PLEKHA5: variants seen among roughly 807,000 people sequenced by gnomAD.
The protein encoded by PLEKHA5 is pleckstrin homology domain-containing family A member 5.
Under a neutral mutation model 181.9 loss-of-function variants are expected in PLEKHA5, and 55 were observed. The ratio of observed to expected loss-of-function variants is 0.30; its 90% CI spans 0.24 to 0.38. The LOEUF is 0.38. PLEKHA5 is among the 10% of genes least tolerant of loss of function. The probability of loss-of-function intolerance (pLI) is 1.00; values close to 1 mark genes in which losing one functional copy is unlikely to be tolerated. For synonymous variants in PLEKHA5, 535 were observed against 529.4 expected (o/e 1.01, Z -0.15); for missense variants, 1,432 against 1,549.5 (o/e 0.92, Z 1.27).
chr12:19,140,000 T>G (rs2036802571), intron 3 of PLEKHA5, among the ~76,000 whole-genome samples: 2 of 152,210 alleles, frequency 1.3e-5, no homozygotes, highest in African/African-American at 4.8e-5. Flanking sequence ...CCAACTGATT[T>G]TAATGATTAT....
chr12:19,339,176 G>A (rs1377743723), intron 21 of PLEKHA5, among the ~76,000 whole-genome samples: 1 of 151,716 alleles, frequency 6.6e-6, no homozygotes, highest in East Asian at 2.0e-4. Context: ...TAGTAGCTGG[G>A]ATTACAGGCA....
At chr12:19,288,695 G>C (rs955146390) in intron 13 of PLEKHA5, among the ~76,000 whole-genome samples, 1 of 152,166 alleles carries the variant, frequency 6.6e-6, no homozygotes. Flanking sequence ...AAGATTATTT[G>C]ATTAAGACTA....
At chr12:19,144,446 T>C (rs185643442) in intron 3 of PLEKHA5, among the ~76,000 whole-genome samples, 4 of 152,188 alleles carry the variant, frequency 2.6e-5, no homozygotes, top group Admixed American at 2.6e-4. Context: ...CTAAGAGGAA[T>C]TATCCTAGGA....
chr12:19,369,034 G>T (rs569383252), intron 30 of PLEKHA5, among the ~76,000 whole-genome samples: 6 of 151,484 alleles, frequency 4.0e-5, no homozygotes, highest in South Asian at 2.1e-4. Context: ...TTTGTTTTTT[G>T]TTGTTGTTGT....
intron 3 of PLEKHA5, among the ~76,000 whole-genome samples, chr12:19,138,635 C>T (rs1443797398): frequency 6.6e-6 from 1 of 151,244 alleles, no homozygotes; most frequent in Admixed American, 6.6e-5. Context: ...GAAGAGGCAG[C>T]CTAGGCTGGG....
In PLEKHA5 at chr12:19,286,698, G is replaced by A. The variant is rs111551794; in HGVS notation, c.1780-775G>A. Among the ~76,000 whole-genome samples the A allele has an allele frequency of 7.1e-3, 1,075 of 152,220 alleles. 16 individuals are homozygous for A. Among genetic ancestry groups the A allele is most frequent in the African/African-American group, 0.025 (1,038 of 41,540 alleles). On this transcript the variant is annotated intron_variant, in intron 12 of 31. Coordinates refer to ENST00000429027, the MANE Select transcript of PLEKHA5 (RefSeq NM_001256470.2). Reference sequence around the variant, plus strand: ...TTACTCTGTTCAGGCCGGGCAAGTGGCTCAAGCCTGTAATCCTAGCACTTT... The same window carrying A: ...TTACTCTGTTCAGGCCGGGCAAGTGACTCAAGCCTGTAATCCTAGCACTTT...
rs545519639 is a variant in PLEKHA5 at position 19,239,048 on chromosome 12, G to C, written c.228-14892G>C. Among the ~76,000 whole-genome samples, 12 of 152,244 alleles carry C rather than the reference G, an allele frequency of 7.9e-5. 1 individual carries two copies. Among genetic ancestry groups the C allele is most frequent in the African/African-American group, 2.6e-4 (11 of 41,550 alleles). On this transcript the variant is annotated intron_variant, in intron 3 of 31. Coordinates refer to ENST00000429027, the MANE Select transcript of PLEKHA5 (RefSeq NM_001256470.2). The stretch of plus-strand genomic sequence containing the variant: ...ACTCAGATGGAATAGTATTTCTTAA[G>C]GCCCTTATAGTCTTAAACTATATTT...
At chr12:19,283,035 T>C (rs377370657) in intron 11 of PLEKHA5, among the ~76,000 whole-genome samples, 20 of 149,532 alleles carry the variant, frequency 1.3e-4, no homozygotes, top group Admixed American at 5.5e-4. Flanking sequence ...TAATCCCAGC[T>C]ACCCAGGAGG....
At chr12:19,344,706 ACCCATTTC>A (rs1381091753) in intron 22 of PLEKHA5, among the ~76,000 whole-genome samples, 2 of 152,070 alleles carry the variant, frequency 1.3e-5, no homozygotes, top group Non-Finnish European at 2.9e-5. Flanking sequence ...GTTTGAGAAA[ACCCATTTC>A]CCCATACTCT....
In PLEKHA5 at chr12:19,253,985, A is replaced by C. The variant is rs753085665; in HGVS notation, c.273A>C (p.Gln91His). 7 of 1,608,686 alleles carry C rather than the reference A, an allele frequency of 4.4e-6. No homozygotes were observed. In the East Asian group the frequency reaches 1.6e-4, roughly 36 times the overall value. Residue 91 changes from glutamine (Q) to histidine (H), a missense_variant, in exon 4 of 32, where the codon CAA (glutamine) becomes CAC (histidine). By Grantham distance (24) the Gln-to-His change is conservative. Around this residue, in one of 2 missense-constraint regions of PLEKHA5, gnomAD observed 289 missense variants for 381.1 expected, o/e 0.76. Transcript: ENST00000429027. Reference protein sequence around the residue: ...KVTCKHPVTGQPSQDNCIFVV... With the variant: ...KVTCKHPVTGHPSQDNCIFVV... ...CCTGCAAACATCCAGTCACAGGACA[A>C]CCATCACAGGACAATTGTATTTTTG... is the stretch of plus-strand genomic sequence containing the variant.
At chr12:19,257,877 AT>A (rs1449997324) in intron 6 of PLEKHA5, among the ~76,000 whole-genome samples, 2 of 152,162 alleles carry the variant, frequency 1.3e-5, no homozygotes, top group East Asian at 3.9e-4. Context: ...ACAACTAAAT[AT>A]TAATACAAGG....
chr12:19,141,490 GTCT>G (rs2037275834), intron 3 of PLEKHA5, among the ~76,000 whole-genome samples: 1 of 152,168 alleles, frequency 6.6e-6, no homozygotes, highest in East Asian at 1.9e-4. Flanking sequence ...GAGATCAGAG[GTCT>G]TCTTATAATA....
intron 3 of PLEKHA5, among the ~76,000 whole-genome samples, chr12:19,225,907 T>TA: frequency 6.6e-6 from 1 of 152,192 alleles, no homozygotes; most frequent in African/African-American, 2.4e-5. Context: ...ATTGTGCGAT[T>TA]AAAGCAAGTC....
At chr12:19,346,669 G>A (rs1009668065) in intron 23 of PLEKHA5, among the ~76,000 whole-genome samples, 3 of 151,850 alleles carry the variant, frequency 2.0e-5, no homozygotes, top group Non-Finnish European at 2.9e-5. Flanking sequence ...TATAAGAATA[G>A]GATTTTAAAA....
intron 3 of PLEKHA5, among the ~76,000 whole-genome samples, chr12:19,138,439 G>A (rs766604771): frequency 4.6e-5 from 7 of 151,962 alleles, no homozygotes; most frequent in Non-Finnish European, 7.4e-5. Context: ...CGGGTGTGGT[G>A]GCGGGCTCCT....
chr12:19,186,527 A>G (rs1162092040), intron 3 of PLEKHA5, among the ~76,000 whole-genome samples: 1 of 152,178 alleles, frequency 6.6e-6, no homozygotes, highest in African/African-American at 2.4e-5. Flanking sequence ...TAGTATACCA[A>G]ATTTACTTTC....
chr12:19,327,945 A>G (rs886571090), intron 20 of PLEKHA5, among the ~76,000 whole-genome samples: 12 of 152,056 alleles, frequency 7.9e-5, no homozygotes, highest in African/African-American at 2.9e-4. Context: ...ATGCCTGGCT[A>G]AAGGATTCTT....
At chr12:19,212,783 C>A (rs117982775) in intron 3 of PLEKHA5, among the ~76,000 whole-genome samples, 1 of 151,654 alleles carries the variant, frequency 6.6e-6, no homozygotes, top group African/African-American at 2.4e-5. Context: ...GGGAAGATAT[C>A]ATTCCCATTT....
At chr12:19,131,203 G>T (rs188444567) in intron 2 of PLEKHA5, among the ~76,000 whole-genome samples, 195 of 152,302 alleles carry the variant, frequency 1.3e-3, no homozygotes, top group African/African-American at 4.4e-3. Context: ...CTCAGAGCTG[G>T]CCTCTGGGGT....
Sources: gnomAD v4.1 joint callset for allele counts (sites outside exome capture counted in the v4.1 genomes callset) on GRCh38, gnomAD v4.1.1 for gene constraint, gnomAD v4.1.1 regional missense constraint, MANE v1.5 for transcripts, NCBI Gene and HGNC (gene_info 2026-07-23, HGNC 2026-07-21) for gene names.